Variants in GLIS3 observed in about 807,000 individuals in gnomAD.
GLIS3 encodes zinc finger protein GLIS3.
Under a neutral mutation model 78.6 loss-of-function variants are expected in GLIS3, and 53 were observed. That is an observed-to-expected ratio of 0.67 (90% CI 0.54 to 0.85). The LOEUF (loss-of-function observed/expected upper bound fraction) is 0.85, where lower values mean the gene tolerates loss of function less well. GLIS3 is among the 40% of genes least tolerant of loss of function. GLIS3 has a pLI of 0.00. For missense variants in GLIS3, 1,703 were observed against 1,231.1 expected (o/e 1.38, Z -5.74); for synonymous variants, 684 against 509.9 (o/e 1.34, Z -4.60).
At chr9:4,240,083 C>G (rs901618739) in intron 2 of GLIS3, among the ~76,000 whole-genome samples, 1 of 150,748 alleles carries the variant, frequency 6.6e-6, no homozygotes, top group African/African-American at 2.4e-5. Flanking sequence ...GTAGTGGACA[C>G]ATATTTTATC....
intron 4 of GLIS3, among the ~76,000 whole-genome samples, chr9:3,949,753 A>G (rs573626098): frequency 2.9e-4 from 44 of 152,330 alleles, no homozygotes; most frequent in Admixed American, 9.1e-4. Flanking sequence ...TCAATGGAAT[A>G]TTTGCCTAAA....
At chr9:3,953,111 G>A (rs561592741) in intron 4 of GLIS3, among the ~76,000 whole-genome samples, 1 of 152,136 alleles carries the variant, frequency 6.6e-6, no homozygotes, top group South Asian at 2.1e-4. Flanking sequence ...TACATATATT[G>A]TCTGATAAAT....
chr9:4,472,951 T>A, the GLIS3 span, among the ~76,000 whole-genome samples: 1 of 152,206 alleles, frequency 6.6e-6, no homozygotes, highest in African/African-American at 2.4e-5. Context: ...AAAATACTGT[T>A]TACATTCCTT....
intron 2 of GLIS3, among the ~76,000 whole-genome samples, chr9:4,283,513 G>T (rs1827739533): frequency 1.3e-5 from 2 of 152,020 alleles, no homozygotes; most frequent in South Asian, 2.1e-4. Flanking sequence ...TGATCTGCCT[G>T]CCTTGGCCTC....
At chr9:4,351,396 C>CAA (rs5896064), upstream of GLIS3, among the ~76,000 whole-genome samples, 18 of 113,460 alleles carry the variant, frequency 1.6e-4, no homozygotes, top group African/African-American at 5.1e-4. Flanking sequence ...CAGAGTGTCT[C>CAA]AAAAAAAAAA....
the GLIS3 span, among the ~76,000 whole-genome samples, chr9:4,441,295 T>C: frequency 3.3e-5 from 5 of 152,372 alleles, no homozygotes; most frequent in Non-Finnish European, 7.3e-5. Flanking sequence ...GGGTCTGTCA[T>C]ACATGGCTTT....
chr9:4,343,711 C>T (rs1343364227), intron 2 of GLIS3, among the ~76,000 whole-genome samples: 1 of 152,208 alleles, frequency 6.6e-6, no homozygotes, highest in African/African-American at 2.4e-5. Context: ...GGTACATACA[C>T]ACCACGGAAT....
the GLIS3 span, among the ~76,000 whole-genome samples, chr9:4,407,777 G>A: frequency 6.6e-6 from 1 of 152,154 alleles, no homozygotes; most frequent in African/African-American, 2.4e-5. Context: ...ATCACATCAA[G>A]TTAAAAAGCT....
At chr9:4,117,632 T>TTGAG in intron 4 of GLIS3, 136 bp downstream of exon 4, 1 of 953,722 alleles carries the variant, frequency 1.0e-6, no homozygotes, top group South Asian at 1.3e-5. Flanking sequence ...TTCCTCAAGC[T>TTGAG]GAAGGGGAAC....
chr9:3,927,352 C>G (rs888299723), intron 6 of GLIS3, among the ~76,000 whole-genome samples: 1 of 152,192 alleles, frequency 6.6e-6, no homozygotes, highest in African/African-American at 2.4e-5. Context: ...TGAGCAACGC[C>G]TAATGTTACC....
intron 2 of GLIS3, among the ~76,000 whole-genome samples, chr9:4,217,544 G>C (rs548279894): frequency 7.5e-4 from 114 of 152,270 alleles, no homozygotes; most frequent in Non-Finnish European, 1.4e-3. Flanking sequence ...AAGAGATCAA[G>C]AAATGTCACT....
chr9:4,176,387 T>G (rs545275691), intron 2 of GLIS3, among the ~76,000 whole-genome samples: 1 of 152,344 alleles, frequency 6.6e-6, no homozygotes, highest in Non-Finnish European at 1.5e-5. Context: ...ACATTCAGCT[T>G]ATATTTTATA....
chr9:4,271,997 A>G (rs1826557331), intron 2 of GLIS3, among the ~76,000 whole-genome samples: 1 of 152,216 alleles, frequency 6.6e-6, no homozygotes, highest in Non-Finnish European at 1.5e-5. Flanking sequence ...TGTGAGAATT[A>G]AAGAGAAAAT....
intron 4 of GLIS3, among the ~76,000 whole-genome samples, chr9:4,009,097 AT>A (rs1430718721): frequency 3.3e-5 from 5 of 152,182 alleles, no homozygotes; most frequent in Admixed American, 2.0e-4. Flanking sequence ...GCATTTATAG[AT>A]TAATGTCATA....
intron 2 of GLIS3, among the ~76,000 whole-genome samples, chr9:4,270,337 T>C (rs1471084105): frequency 6.6e-6 from 1 of 152,218 alleles, no homozygotes; most frequent in Non-Finnish European, 1.5e-5. Context: ...ACATCAAAAT[T>C]AGCATCAACT....
At chr9:4,101,974 A>AT (rs1317684817) in intron 4 of GLIS3, among the ~76,000 whole-genome samples, 1 of 152,208 alleles carries the variant, frequency 6.6e-6, no homozygotes, top group Non-Finnish European at 1.5e-5. Flanking sequence ...TTTTCTGTAT[A>AT]TTTTCCATAT....
At position 4,025,244 on chromosome 9, in the gene GLIS3, C is replaced by T. The variant is rs577632008; in HGVS notation, c.1711-88055G>A. The stretch of plus-strand genomic sequence containing the variant: ...TCCAACCTAGGCAACAGTGAGACTC[C>T]GTCTCAAAAAAAAAAGAAAAGAAAA... On this transcript the variant is annotated intron_variant, in intron 4 of 10. Coordinates refer to ENST00000381971, the MANE Select transcript of GLIS3 (RefSeq NM_001042413.2). Among the ~76,000 whole-genome samples, 14 of 148,716 alleles carry T rather than the reference C, an allele frequency of 9.4e-5. 1 individual carries two copies. Among genetic ancestry groups the T allele is most frequent in the South Asian group, 8.6e-4 (4 of 4,674 alleles).
chr9:3,880,346 C>G (rs1821643909), intron 7 of GLIS3, among the ~76,000 whole-genome samples: 2 of 152,168 alleles, frequency 1.3e-5, no homozygotes, highest in South Asian at 4.1e-4. Context: ...AATACGTGCC[C>G]ATTTAGATCA....
intron 2 of GLIS3, among the ~76,000 whole-genome samples, chr9:4,166,643 C>T (rs2131108438): frequency 1.3e-5 from 2 of 152,288 alleles, no homozygotes; most frequent in Admixed American, 1.3e-4. Context: ...TGGCCACTAA[C>T]GTCCCTTCCA....
Sources: gnomAD v4.1 joint callset for allele counts (sites outside exome capture counted in the v4.1 genomes callset) on GRCh38, gnomAD v4.1.1 for gene constraint, MANE v1.5 for transcripts, NCBI Gene and HGNC (gene_info 2026-07-23, HGNC 2026-07-21) for gene names.